Variants in ZFAND2A observed in about 807,000 individuals in gnomAD.
The protein encoded by ZFAND2A is AN1-type zinc finger protein 2A.
Under a neutral mutation model 11.6 loss-of-function variants are expected in ZFAND2A, and 20 were observed. The observed-to-expected ratio is 1.72, with a 90% CI of 1.21 to 2.50. The LOEUF is 2.50. Ranked by LOEUF, ZFAND2A falls within the 30% of genes most tolerant of loss-of-function variation. The pLI, the probability that ZFAND2A is intolerant of heterozygous loss-of-function variation, is 0.00. For synonymous variants in ZFAND2A, 93 were observed against 60.6 expected, an observed-to-expected ratio of 1.54 and a Z score of -2.48; for missense variants, 234 against 182.9, an observed-to-expected ratio of 1.28 and a Z score of -1.61.
At chr7:1,153,978 A>C (rs1353997834) in intron 4 of ZFAND2A, among the ~76,000 whole-genome samples, 1 of 151,864 alleles carries the variant, frequency 6.6e-6, no homozygotes, top group Non-Finnish European at 1.5e-5. Flanking sequence ...GTCAGCATTG[A>C]AGCTGGGGAT....
At chr7:1,152,019 A>G, downstream of ZFAND2A, 1 of 444,826 alleles carries the variant, frequency 2.2e-6, no homozygotes, top group Non-Finnish European at 4.0e-6. Flanking sequence ...GAGGGCAGAA[A>G]AGGTGTTTCA....
rs1217006059 is a variant in ZFAND2A, at chr7:1,153,051, T to C, written c.*18A>G. ...GCATGCTACTGCGTGCTCCGAGCCATCGCAGCGGAGTCTCTTCTCACCCAG... is the reference window on the plus strand; with the variant it reads ...GCATGCTACTGCGTGCTCCGAGCCACCGCAGCGGAGTCTCTTCTCACCCAG... On this transcript the variant is annotated 3_prime_UTR_variant, in exon 5 of 5. Coordinates refer to ENST00000316495, the MANE Select transcript of ZFAND2A (RefSeq NM_182491.4). The C allele has an allele frequency of 2.5e-6, 4 of 1,613,954 alleles. No individual in the cohort carries two copies. The highest frequency in any genetic ancestry group is 1.7e-5 in the Admixed American group (1 of 59,994).
downstream of ZFAND2A, among the ~76,000 whole-genome samples, chr7:1,151,762 T>TAAAAGA (rs1554344525): frequency 1.1e-4 from 10 of 87,178 alleles, no homozygotes; most frequent in South Asian, 3.6e-4. Context: ...TCATCCCTTT[T>TAAAAGA]AAAAAAAAAA....
At chr7:1,151,762 T>TTTAAAAAAAAAAAAAAAA (rs1554344524), downstream of ZFAND2A, among the ~76,000 whole-genome samples, 3 of 87,158 alleles carry the variant, frequency 3.4e-5, no homozygotes, top group African/African-American at 1.7e-4. Flanking sequence ...TCATCCCTTT[T>TTTAAAAAAAAAAAAAAAA]AAAAAAAAAA....
At chr7:1,151,802 G>T (rs1011510346), downstream of ZFAND2A, among the ~76,000 whole-genome samples, 4 of 141,726 alleles carry the variant, frequency 2.8e-5, no homozygotes, top group Admixed American at 7.4e-5. Context: ...TGAAGCTGGG[G>T]ATTCCCGTGA....
chr7:1,155,753 C>T (rs1793512069), intron 3 of ZFAND2A, 169 bp from the exon 4 acceptor site: 2 of 787,226 alleles, frequency 2.5e-6, no homozygotes, highest in South Asian at 3.7e-5. Flanking sequence ...TAGCGGCAGC[C>T]ATCTCTAGAA....
downstream of ZFAND2A, among the ~76,000 whole-genome samples, chr7:1,151,762 T>TAAAAAAAAAAAAAAAAAAAAAAAAAA (rs530920394): frequency 1.7e-3 from 152 of 87,098 alleles, 15 homozygotes; most frequent in African/African-American, 4.1e-3. Context: ...TCATCCCTTT[T>TAAAAAAAAAAAAAAAAAAAAAAAAAA]AAAAAAAAAA....
At position 1,155,715 on chromosome 7, in the gene ZFAND2A, G is replaced by T. The variant is rs546063506; in HGVS notation, c.151-131C>A. ...CAAAAACCGGTCTCCCGAGCCCTCC[G>T]AGAACAAAGCATCACTGGGTCATGG... On this transcript the variant is annotated intron_variant, in intron 3 of 4. Coordinates refer to ENST00000316495, the MANE Select transcript of ZFAND2A (RefSeq NM_182491.4). 1.3e-5 allele frequency: 15 copies of T among 1,193,952 alleles called. No individual in the cohort carries two copies. The East Asian group carries it at 2.2e-4, about 18-fold the overall frequency. 74.0% of individuals were successfully genotyped at this position (1,193,952 alleles called of 1,614,324 possible). A position where few individuals can be genotyped will look rare whatever the true frequency, so the allele number is the denominator to read the frequency against.
chr7:1,159,549 C>T lies in ZFAND2A; in HGVS notation c.-46+415G>A, dbSNP rs546793156. Among the ~76,000 whole-genome samples the T allele has an allele frequency of 2.6e-3, 248 of 97,012 alleles. 10 individuals carry two copies. The highest frequency in any genetic ancestry group is 5.3e-3 in the Middle Eastern group (1 of 190). 63.6% of individuals were successfully genotyped at this position (97,012 alleles called of 152,430 possible). On this transcript the variant is annotated intron_variant, in intron 1 of 4. Transcript: ENST00000316495. ...CCCCCAACAGCCAGACCCCGGCAGG[C>T]CCGGTCCCCAGCAGACAGGCCGGAC... is the stretch of plus-strand genomic sequence containing the variant.
chr7:1,153,755 G>A (rs184265858), intron 4 of ZFAND2A, among the ~76,000 whole-genome samples: 1 of 152,230 alleles, frequency 6.6e-6, no homozygotes, highest in Admixed American at 6.5e-5. Flanking sequence ...GACAAGCTTG[G>A]GCAACATGGT....
rs2128257236 is a variant in ZFAND2A at position 1,152,984 on chromosome 7, CAA to C, written c.*83_*84del. 1 of 1,560,012 alleles carries C rather than the reference CAA, an allele frequency of 6.4e-7. No individual in the cohort carries two copies. Among genetic ancestry groups the C allele is most frequent in the South Asian group, 1.1e-5 (1 of 87,080 alleles). The stretch of plus-strand genomic sequence containing the variant: ...TCAGCAGCCAGTGTGGGATGGTGCT[CAA>C]TGGGGCTCCACTTCCCACTAGAGTG... On this transcript the variant is annotated 3_prime_UTR_variant, in exon 5 of 5. Coordinates refer to ENST00000316495, the MANE Select transcript of ZFAND2A (RefSeq NM_182491.4).
chr7:1,150,456 A>AC (rs1343300508), downstream of ZFAND2A, among the ~76,000 whole-genome samples: 5 of 151,986 alleles, frequency 3.3e-5, no homozygotes, highest in Admixed American at 1.3e-4. Context: ...ATTCCCTGAC[A>AC]CCCCCTAAGT....
chr7:1,150,608 T>C (rs1436063660), downstream of ZFAND2A, among the ~76,000 whole-genome samples: 1 of 152,194 alleles, frequency 6.6e-6, no homozygotes, highest in African/African-American at 2.4e-5. Context: ...GCATCTGTCA[T>C]CTGAGCCACA....
chr7:1,155,607 G>T (rs1038041382), intron 3 of ZFAND2A, 23 bp from the exon 4 acceptor site: 10 of 1,609,138 alleles, frequency 6.2e-6, no homozygotes, highest in African/African-American at 1.3e-5. Flanking sequence ...AAGGTAAGAT[G>T]GCATCTGAGA....
rs1387363222 is a variant in ZFAND2A at position 1,158,330 on chromosome 7, C to A, written c.-45-73G>T. On this transcript the variant is annotated intron_variant, in intron 1 of 4. Transcript: ENST00000316495. ...GTCACCAGGATTTACAATGTAATTA[C>A]AGCTAATGAAAGTCAACAAACGCAC... The A allele has an allele frequency of 3.4e-5, 32 of 932,516 alleles. 1 individual carries two copies. In the East Asian group the frequency reaches 7.8e-4, roughly 23 times the overall value. 57.8% of individuals were successfully genotyped at this position (932,516 alleles called of 1,614,324 possible). A position where few individuals can be genotyped will look rare whatever the true frequency, so the allele number is the denominator to read the frequency against.
At chr7:1,151,658 C>G (rs527367545), downstream of ZFAND2A, among the ~76,000 whole-genome samples, 15 of 150,614 alleles carry the variant, frequency 1.0e-4, no homozygotes, top group Non-Finnish European at 1.8e-4. Flanking sequence ...ACTCGGGAGG[C>G]TGAGGCAGGA....
intron 2 of ZFAND2A, 46 bp downstream of exon 2, chr7:1,158,110 TCC>T: frequency 6.4e-7 from 1 of 1,571,792 alleles, no homozygotes; most frequent in African/African-American, 1.4e-5. Context: ...CAGCCAGCTT[TCC>T]CCCAACAAAA....
chr7:1,151,762 T>TTAAAAAAAAAAAAAAAAAAAA (rs1554344524), downstream of ZFAND2A, among the ~76,000 whole-genome samples: 19 of 87,168 alleles, frequency 2.2e-4, no homozygotes, highest in African/African-American at 8.9e-4. Flanking sequence ...TCATCCCTTT[T>TTAAAAAAAAAAAAAAAAAAAA]AAAAAAAAAA....
intron 3 of ZFAND2A, among the ~76,000 whole-genome samples, chr7:1,156,752 GGA>G (rs1164466453): frequency 2.6e-5 from 4 of 152,368 alleles, no homozygotes; most frequent in South Asian, 4.1e-4. Context: ...GCCCGAGCTG[GGA>G]GAGTCACAGG....
Sources: gnomAD v4.1 joint callset for allele counts (sites outside exome capture counted in the v4.1 genomes callset) on GRCh38, gnomAD v4.1.1 for gene constraint, MANE v1.5 for transcripts, NCBI Gene and HGNC (gene_info 2026-07-23, HGNC 2026-07-21) for gene names.